BMP8B: variants seen among roughly 807,000 people sequenced by gnomAD.
The protein encoded by BMP8B is bone morphogenetic protein 8b, also known as bone morphogenetic protein 8 (osteogenic protein 2).
A neutral mutation model predicts 30.3 loss-of-function variants in BMP8B; 17 were observed. The ratio of observed to expected loss-of-function variants is 0.56; its 90% CI spans 0.38 to 0.84. The LOEUF (loss-of-function observed/expected upper bound fraction) is 0.84, where lower values mean the gene tolerates loss of function less well. Among genes scored for constraint, BMP8B ranks in the 40% least tolerant of loss-of-function variants. BMP8B has a pLI of 0.00. For missense variants in BMP8B, 253 were observed against 494.6 expected (o/e 0.51, Z 4.63); for synonymous variants, 131 against 214.7 (o/e 0.61, Z 3.41).
intron 1 of BMP8B, among the ~76,000 whole-genome samples, chr1:39,780,586 C>T (rs544978833): frequency 6.6e-6 from 1 of 152,366 alleles, no homozygotes; most frequent in South Asian, 2.1e-4. Flanking sequence ...ACTTCAGGAA[C>T]TGGCATTTCA....
In BMP8B at chr1:39,784,715, G is replaced by A. The variant is rs1463589240; in HGVS notation, c.334+3437C>T. Among the ~76,000 whole-genome samples the A allele has an allele frequency of 5.7e-5, 7 of 123,366 alleles. 3 individuals are homozygous for A. The highest frequency in any genetic ancestry group is 1.3e-4 in the Non-Finnish European group (7 of 54,722). 80.9% of individuals were successfully genotyped at this position (123,366 alleles called of 152,430 possible). ...ATGGTGCCACCCTTCTAGGTCACACGGCTGGCAAGGGCAGAGCAGGACCCG... is the reference window on the plus strand; with the variant it reads ...ATGGTGCCACCCTTCTAGGTCACACAGCTGGCAAGGGCAGAGCAGGACCCG... On this transcript the variant is annotated intron_variant, in intron 1 of 6. Coordinates refer to ENST00000372827, the MANE Select transcript of BMP8B (RefSeq NM_001720.5).
chr1:39,764,129 C>T (rs1221938906), intron 4 of BMP8B, among the ~76,000 whole-genome samples: 4 of 152,084 alleles, frequency 2.6e-5, no homozygotes, highest in Non-Finnish European at 4.4e-5. Flanking sequence ...CCAGCCCACC[C>T]TCTCCTGCCA....
chr1:39,788,606 G>C lies in BMP8B; in HGVS notation c.-121C>G, dbSNP rs1651178864. ...GGGCTCGGCGGGCGGCGGGCGGCGG[G>C]GCGGGGCGGGACGGGCGGCGACCGC... On this transcript the variant is annotated 5_prime_UTR_variant, in exon 1 of 7. Transcript: ENST00000372827. This position sits in a 1 kb window ranked among gnomAD's most constrained non-coding sequence, Gnocchi z 5.8. The C allele has an allele frequency of 1.1e-6, 1 of 913,774 alleles. No homozygotes were observed. The highest frequency in any genetic ancestry group is 1.8e-5 in the African/African-American group (1 of 55,404). 56.6% of individuals were successfully genotyped at this position (913,774 alleles called of 1,614,324 possible).
intron 1 of BMP8B, among the ~76,000 whole-genome samples, chr1:39,777,976 C>A (rs924585906): frequency 1.9e-4 from 29 of 152,356 alleles, no homozygotes; most frequent in African/African-American, 6.7e-4. Flanking sequence ...CCTCTCCCGG[C>A]CCCCATGCCA....
rs1569876163 is a variant in BMP8B, at chr1:39,788,022, A to C, written c.334+130T>G. On this transcript the variant is annotated intron_variant, in intron 1 of 6. Coordinates refer to ENST00000372827, the MANE Select transcript of BMP8B (RefSeq NM_001720.5). The surrounding 1 kb of genome is among the most constrained non-coding windows in gnomAD (Gnocchi z 5.8). The stretch of plus-strand genomic sequence containing the variant: ...GACCTTCCCTAACCACGGCGGTCCC[A>C]CTCCCCTGTGGTTCGCGTCCACCGT... 4.5e-6 allele frequency: 6 copies of C among 1,330,342 alleles called. No homozygotes were observed. Among genetic ancestry groups the C allele is most frequent in the Non-Finnish European group, 4.8e-6 (5 of 1,038,448 alleles). The allele number at this position is 1,330,342 out of a possible 1,614,324, so 82.4% of individuals were successfully genotyped here. A position where few individuals can be genotyped will look rare whatever the true frequency, so the allele number is the denominator to read the frequency against.
At chr1:39,779,082 G>A (rs1223745466) in intron 1 of BMP8B, among the ~76,000 whole-genome samples, 3 of 152,210 alleles carry the variant, frequency 2.0e-5, no homozygotes, top group African/African-American at 7.2e-5. Context: ...GGGCCAGTGT[G>A]AAATGAGTGG....
intron 6 of BMP8B, 119 bp downstream of exon 6, chr1:39,762,969 GCAGA>G (rs1327438850): frequency 2.3e-5 from 28 of 1,234,296 alleles, no homozygotes; most frequent in African/African-American, 1.6e-4. Context: ...TACTGACTGT[GCAGA>G]CAAAGCCCCC....
At chr1:39,770,463 A>G (rs774219800) in intron 3 of BMP8B, 2 of 1,609,694 alleles carry the variant, frequency 1.2e-6, no homozygotes, top group African/African-American at 1.4e-5. Context: ...CGATCTACAT[A>G]AATGTTAGGA....
At chr1:39,763,248 T>C in intron 5 of BMP8B, 46 bp from the exon 6 acceptor site, 25 of 1,543,660 alleles carry the variant, frequency 1.6e-5, no homozygotes, top group Non-Finnish European at 2.2e-5. Context: ...TGCCCCTCCC[T>C]GAGCCTCAGG....
chr1:39,781,434 C>T (rs6660299), intron 1 of BMP8B, among the ~76,000 whole-genome samples: 22,433 of 152,242 alleles, frequency 0.15, 1,795 homozygotes, highest in South Asian at 0.2. Flanking sequence ...ACCAGCCACT[C>T]TTTTCATAAT....
intron 3 of BMP8B, chr1:39,770,884 GCT>G (rs1263418476): frequency 2.4e-6 from 2 of 816,336 alleles, no homozygotes; most frequent in East Asian, 5.4e-5. Context: ...CCAGGTACTG[GCT>G]CTCGCACAGG....
In BMP8B at chr1:39,757,507, C is replaced by T. The variant is rs1648408770; in HGVS notation, c.*2912G>A. On this transcript the variant is annotated 3_prime_UTR_variant, in exon 7 of 7. Transcript: ENST00000372827. ...CAGTTAGAAGTTAGTGACTACGAAT[C>T]CCCTGCTGACTTGGCCTCAAGGCCA... The T allele has an allele frequency of 6.6e-6, 1 of 152,290 alleles. No homozygotes were observed. Among genetic ancestry groups the T allele is most frequent in the Non-Finnish European group, 1.5e-5 (1 of 68,058 alleles). 9.4% of individuals were successfully genotyped at this position (152,290 alleles called of 1,614,324 possible).
chr1:39,779,399 TG>T (rs922085255), intron 1 of BMP8B, among the ~76,000 whole-genome samples: 2 of 151,702 alleles, frequency 1.3e-5, no homozygotes, highest in African/African-American at 2.4e-5. Flanking sequence ...GGGTGCACCA[TG>T]GGGGGTGCCA....
chr1:39,768,298 T>C (rs971523846), intron 3 of BMP8B, among the ~76,000 whole-genome samples: 1 of 112,112 alleles, frequency 8.9e-6, no homozygotes, highest in African/African-American at 4.0e-5. Flanking sequence ...GTTAGGGTTC[T>C]AGAACTCCTC....
At chr1:39,776,480 T>G (rs531124828) in intron 1 of BMP8B, among the ~76,000 whole-genome samples, 15 of 152,290 alleles carry the variant, frequency 9.8e-5, no homozygotes, top group African/African-American at 2.4e-4. Flanking sequence ...GTCAGGTTTG[T>G]AAAAGCACCA....
At chr1:39,779,159 C>A (rs1324689411) in intron 1 of BMP8B, among the ~76,000 whole-genome samples, 1 of 152,204 alleles carries the variant, frequency 6.6e-6, no homozygotes, top group Non-Finnish European at 1.5e-5. Flanking sequence ...TATCAACAGA[C>A]ACCCGAGAAT....
At position 39,787,146 on chromosome 1, in the gene BMP8B, G is replaced by T. The variant is rs181853972; in HGVS notation, c.334+1006C>A. On this transcript the variant is annotated intron_variant, in intron 1 of 6. Transcript: ENST00000372827. Reference sequence around the variant, plus strand: ...TCTGAGCCTCACTGTCCTCATCTGGGAGATGGGGATGAAGACCGTGGCTGT... The same window carrying T: ...TCTGAGCCTCACTGTCCTCATCTGGTAGATGGGGATGAAGACCGTGGCTGT... Among the ~76,000 whole-genome samples, 1,266 of 152,276 alleles carry T rather than the reference G, an allele frequency of 8.3e-3. 16 individuals carry two copies. The highest frequency in any genetic ancestry group is 0.029 in the African/African-American group (1,194 of 41,554).
At position 39,788,611 on chromosome 1, in the gene BMP8B, G is replaced by A; in HGVS notation, c.-126C>T. ...CGGCGGGCGGCGGGCGGCGGGGCGGGGCGGGACGGGCGGCGACCGCGGCCT... is the reference window on the plus strand; with the variant it reads ...CGGCGGGCGGCGGGCGGCGGGGCGGAGCGGGACGGGCGGCGACCGCGGCCT... On this transcript the variant is annotated 5_prime_UTR_variant, in exon 1 of 7. Transcript: ENST00000372827. This position sits in a 1 kb window ranked among gnomAD's most constrained non-coding sequence, Gnocchi z 5.8. The A allele has an allele frequency of 1.2e-6, 1 of 866,300 alleles. No homozygotes were observed. Among genetic ancestry groups the A allele is most frequent in the Non-Finnish European group, 1.4e-6 (1 of 722,064 alleles). 53.7% of individuals were successfully genotyped at this position (866,300 alleles called of 1,614,324 possible).
chr1:39,770,545 A>T (rs764933955), intron 3 of BMP8B: 4 of 1,609,564 alleles, frequency 2.5e-6, no homozygotes, highest in South Asian at 2.2e-5. Flanking sequence ...TGACGTCTGC[A>T]GCTTTGCACA....
Sources: allele counts gnomAD v4.1 joint callset (sites outside exome capture counted in the v4.1 genomes callset), GRCh38; gene constraint gnomAD v4.1.1; non-coding constraint Gnocchi (gnomAD v3.1); transcripts MANE v1.5; gene names NCBI Gene and HGNC (gene_info 2026-07-23, HGNC 2026-07-21).